Variants in PPP2R2C observed in about 807,000 individuals in gnomAD.
PPP2R2C encodes protein phosphatase 2 regulatory subunit Bgamma.
In PPP2R2C, 10 loss-of-function variants were observed where a neutral mutation model predicts 45.3. The observed-to-expected ratio is 0.22, with a 90% confidence interval of 0.14 to 0.37. The LOEUF (loss-of-function observed/expected upper bound fraction) is 0.37, where lower values mean the gene tolerates loss of function less well. Among genes scored for constraint, PPP2R2C ranks in the 10% least tolerant of loss-of-function variants. PPP2R2C has a pLI of 1.00. For missense variants in PPP2R2C, 308 were observed against 619.7 expected (o/e 0.50, Z 5.34); for synonymous variants, 257 against 245.4 (o/e 1.05, Z -0.44).
At chr4:6,338,172 C>CA (rs1300061851) in intron 6 of PPP2R2C, among the ~76,000 whole-genome samples, 11 of 152,160 alleles carry the variant, frequency 7.2e-5, no homozygotes, top group Non-Finnish European at 1.3e-4. Flanking sequence ...AAACATGTCT[C>CA]AAAGCCCCCA....
chr4:6,408,677 C>T (rs576396727), intron 1 of PPP2R2C, among the ~76,000 whole-genome samples: 45 of 152,176 alleles, frequency 3.0e-4, no homozygotes, highest in African/African-American at 9.4e-4. Flanking sequence ...CAAGCCTGGG[C>T]GGGGCCTGGG....
At chr4:6,414,978 T>G (rs11722385) in intron 1 of PPP2R2C, among the ~76,000 whole-genome samples, 46,583 of 152,098 alleles carry the variant, frequency 0.31, 7,771 homozygotes, top group Admixed American at 0.4. Context: ...GGAACCCAGG[T>G]TCCACAGAAG....
intron 1 of PPP2R2C, among the ~76,000 whole-genome samples, chr4:6,426,837 C>A (rs183587156): frequency 6.6e-6 from 1 of 152,204 alleles, no homozygotes; most frequent in Admixed American, 6.5e-5. Flanking sequence ...TGGGCCAGGC[C>A]AAACACTGGC....
intron 2 of PPP2R2C, among the ~76,000 whole-genome samples, chr4:6,518,747 A>AC (rs1317334466): frequency 1.3e-4 from 19 of 151,966 alleles, no homozygotes; most frequent in Admixed American, 1.1e-3. Flanking sequence ...ATGTGGTGAA[A>AC]CCCCATCTCT....
chr4:6,544,681 C>T (rs934678064), intron 1 of PPP2R2C, among the ~76,000 whole-genome samples: 1 of 152,202 alleles, frequency 6.6e-6, no homozygotes, highest in African/African-American at 2.4e-5. Flanking sequence ...CACAAAGTGT[C>T]CCCCTGTGCT....
intron 1 of PPP2R2C, among the ~76,000 whole-genome samples, chr4:6,468,638 C>T (rs12647372): frequency 0.41 from 62,599 of 151,990 alleles, 15,007 homozygotes; most frequent in Non-Finnish European, 0.55. Context: ...CAGCCTGAAC[C>T]ACCTCCCCTT....
chr4:6,337,591 G>T (rs1187879092), intron 6 of PPP2R2C, among the ~76,000 whole-genome samples: 2 of 152,138 alleles, frequency 1.3e-5, no homozygotes, highest in African/African-American at 4.8e-5. Flanking sequence ...GACTCCCCCA[G>T]ACCTTGAGGG....
chr4:6,391,089 G>T (rs1341612826), intron 1 of PPP2R2C, among the ~76,000 whole-genome samples: 2 of 152,078 alleles, frequency 1.3e-5, no homozygotes, highest in African/African-American at 4.8e-5. Flanking sequence ...TTTTTGGGGG[G>T]TGTCAGAGAG....
intron 1 of PPP2R2C, among the ~76,000 whole-genome samples, chr4:6,466,837 G>C (rs73207855): frequency 0.091 from 13,823 of 152,210 alleles, 829 homozygotes; most frequent in Non-Finnish European, 0.14. Context: ...GAGAAAAACC[G>C]TGCTCTGTGA....
chr4:6,350,537 T>C, intron 5 of PPP2R2C: 7 of 985,258 alleles, frequency 7.1e-6, no homozygotes, highest in Non-Finnish European at 7.2e-6. Flanking sequence ...TCTGTTTGCG[T>C]CATCAGGACA....
chr4:6,359,544 G>A (rs926248749), intron 5 of PPP2R2C, among the ~76,000 whole-genome samples: 2 of 151,594 alleles, frequency 1.3e-5, no homozygotes, highest in African/African-American at 2.4e-5. Context: ...ATAATATTTC[G>A]GGTATATTTA....
chr4:6,467,336 ACT>A (rs1455700388), intron 1 of PPP2R2C, among the ~76,000 whole-genome samples: 1 of 151,700 alleles, frequency 6.6e-6, no homozygotes, highest in Non-Finnish European at 1.5e-5. Flanking sequence ...GGCTAGTCTA[ACT>A]CTGGCCCCTA....
Position 6,355,265 on chromosome 4 carries a change from T to G in PPP2R2C, c.626-7255A>C, listed in dbSNP as rs139096704. Among the ~76,000 whole-genome samples, 59 of 152,164 alleles carry G rather than the reference T, an allele frequency of 3.9e-4. 1 individual carries two copies. In the East Asian group the frequency reaches 0.01, roughly 27 times the overall value. ...GATCAGGGCTCAGGGGGCAGGAGGT[T>G]GCAAACCATCTCAAGGGGAAGCAGC... On this transcript the variant is annotated intron_variant, in intron 5 of 8. Transcript: ENST00000382599.
At chr4:6,370,772 A>C (rs1383926198) in intron 5 of PPP2R2C, among the ~76,000 whole-genome samples, 2 of 152,224 alleles carry the variant, frequency 1.3e-5, no homozygotes, top group Non-Finnish European at 2.9e-5. Flanking sequence ...ATGCTCGTGC[A>C]GCAGAAAGAG....
intron 1 of PPP2R2C, among the ~76,000 whole-genome samples, chr4:6,410,841 T>C (rs550718025): frequency 1.6e-4 from 22 of 140,338 alleles, no homozygotes; most frequent in African/African-American, 5.9e-4. Flanking sequence ...ATTCCCCCTG[T>C]TTTATTTATT....
chr4:6,431,589 C>A (rs773065123), intron 1 of PPP2R2C, among the ~76,000 whole-genome samples: 20 of 152,040 alleles, frequency 1.3e-4, no homozygotes, highest in Admixed American at 7.9e-4. Flanking sequence ...CGGTCCAGAG[C>A]CCCCCCTTCC....
chr4:6,346,827 G>A (rs555806360), intron 6 of PPP2R2C, among the ~76,000 whole-genome samples: 19 of 152,190 alleles, frequency 1.2e-4, no homozygotes, highest in South Asian at 4.1e-4. Flanking sequence ...GCCCTCTGCC[G>A]CCGGCACCCA....
intron 1 of PPP2R2C, among the ~76,000 whole-genome samples, chr4:6,562,098 G>C (rs950108686): frequency 1.3e-5 from 2 of 152,182 alleles, no homozygotes; most frequent in Admixed American, 1.3e-4. Flanking sequence ...CAGGGAGGTA[G>C]GAAACAGACA....
chr4:6,478,125 C>T (rs554916731), intron 2 of PPP2R2C, among the ~76,000 whole-genome samples: 11 of 152,242 alleles, frequency 7.2e-5, no homozygotes, highest in African/African-American at 2.7e-4. Context: ...TGCACACACT[C>T]ATGCTCCCGC....
Sources: gnomAD v4.1 joint callset for allele counts (sites outside exome capture counted in the v4.1 genomes callset) on GRCh38, gnomAD v4.1.1 for gene constraint, MANE v1.5 for transcripts, NCBI Gene and HGNC (gene_info 2026-07-23, HGNC 2026-07-21) for gene names.